The following INSYN2A variants were observed in gnomAD, a reference collection of about 807,000 sequenced individuals.
The protein encoded by INSYN2A is inhibitory synaptic factor 2A, also known as family with sequence similarity 196 member A.
In INSYN2A, 17 loss-of-function variants were observed where a neutral mutation model predicts 39.4. The ratio of observed to expected loss-of-function variants is 0.43; its 90% CI spans 0.30 to 0.65. The LOEUF (loss-of-function observed/expected upper bound fraction) is 0.65, where lower values mean the gene tolerates loss of function less well. INSYN2A is among the 30% of genes least tolerant of loss of function. INSYN2A has a pLI of 0.14. For missense variants in INSYN2A, 595 were observed against 631.2 expected (o/e 0.94, Z 0.61); for synonymous variants, 255 against 265.7 (o/e 0.96, Z 0.39).
intron 5 of INSYN2A, among the ~76,000 whole-genome samples, chr10:127,141,726 T>G (rs958488989): frequency 1.3e-5 from 2 of 151,678 alleles, no homozygotes; most frequent in Non-Finnish European, 2.9e-5. Flanking sequence ...CCAGTTGCCC[T>G]GGACTGCTTT....
Position 127,176,342 on chromosome 10 carries a change from C to G in INSYN2A, c.54G>C (p.Val18=), listed in dbSNP as rs538123042. The part of the protein sequence containing the change: ...KCILTTSESE[V]EPAACLALEM... ...CCAGGGCCAGGCAGGCGGCGGGTTC[C>G]ACTTCACTCTCCGACGTTGTGAGTA... Residue 18 remains valine (V), a synonymous_variant, in exon 4 of 6, where the codon GTG becomes GTC. Coordinates refer to ENST00000522781, the MANE Select transcript of INSYN2A (RefSeq NM_001039762.3). This position sits in a 1 kb window ranked among gnomAD's most constrained non-coding sequence, Gnocchi z 4.4. 2.5e-6 allele frequency: 4 copies of G among 1,613,694 alleles called. No homozygotes were observed. The highest frequency in any genetic ancestry group is 3.4e-6 in the Non-Finnish European group (4 of 1,179,966).
At chr10:127,147,280 C>T (rs1408271088) in intron 5 of INSYN2A, among the ~76,000 whole-genome samples, 1 of 152,134 alleles carries the variant, frequency 6.6e-6, no homozygotes, top group Non-Finnish European at 1.5e-5. Context: ...TCCCATCCAT[C>T]CTTGGGGGTG....
chr10:127,140,638 A>G (rs2489395), intron 5 of INSYN2A, among the ~76,000 whole-genome samples: 54 of 147,014 alleles, frequency 3.7e-4, no homozygotes, highest in South Asian at 9.2e-4. Context: ...TTGACACACC[A>G]AGTCTCTGGG....
intron 2 of INSYN2A, among the ~76,000 whole-genome samples, chr10:127,181,340 T>A (rs2055715424): frequency 6.6e-6 from 1 of 152,212 alleles, no homozygotes; most frequent in Non-Finnish European, 1.5e-5. Context: ...GGCAATTTTG[T>A]GGGGTTCCAT....
chr10:127,165,789 T>A (rs1213667386), intron 4 of INSYN2A, among the ~76,000 whole-genome samples: 1 of 152,128 alleles, frequency 6.6e-6, no homozygotes, highest in Non-Finnish European at 1.5e-5. Flanking sequence ...GACTTAAAGA[T>A]CAATGGCCTT....
intron 4 of INSYN2A, among the ~76,000 whole-genome samples, chr10:127,160,658 T>A (rs2053522004): frequency 6.6e-6 from 1 of 152,236 alleles, no homozygotes; most frequent in Admixed American, 6.5e-5. Flanking sequence ...ATGGCAATTG[T>A]CACACTGAAT....
chr10:127,186,138 G>A (rs946413256), intron 2 of INSYN2A, among the ~76,000 whole-genome samples: 3 of 152,114 alleles, frequency 2.0e-5, no homozygotes, highest in Non-Finnish European at 4.4e-5. Context: ...AACAATAGAG[G>A]GTCTGGGGCA....
chr10:127,162,550 G>T (rs1413593), intron 4 of INSYN2A, among the ~76,000 whole-genome samples: 47,437 of 151,928 alleles, frequency 0.31, 7,859 homozygotes, highest in African/African-American at 0.41. Flanking sequence ...TTTTTTCCAT[G>T]GTAGGGCAAA....
At chr10:127,195,334 C>T (rs1375668136) in intron 1 of INSYN2A, among the ~76,000 whole-genome samples, 1 of 152,194 alleles carries the variant, frequency 6.6e-6, no homozygotes, top group Non-Finnish European at 1.5e-5. Flanking sequence ...TGGTTTCCCA[C>T]GCCTGTCCCG....
chr10:127,195,519 C>T (rs951947537), intron 1 of INSYN2A, among the ~76,000 whole-genome samples: 10 of 149,728 alleles, frequency 6.7e-5, no homozygotes, highest in African/African-American at 2.4e-4. Context: ...TCTGTTCCAA[C>T]TCATCCCCCC....
At chr10:127,141,560 G>T (rs1268309803) in intron 5 of INSYN2A, among the ~76,000 whole-genome samples, 1 of 152,132 alleles carries the variant, frequency 6.6e-6, no homozygotes, top group Non-Finnish European at 1.5e-5. Context: ...AAGTTTAGCT[G>T]GGTGTGATGG....
intron 5 of INSYN2A, among the ~76,000 whole-genome samples, chr10:127,142,950 G>T (rs1168171594): frequency 6.6e-6 from 1 of 152,152 alleles, no homozygotes; most frequent in Non-Finnish European, 1.5e-5. Flanking sequence ...TACATCTCAG[G>T]CTGCTCTCCA....
intron 4 of INSYN2A, among the ~76,000 whole-genome samples, chr10:127,170,004 C>CT (rs930339050): frequency 7.9e-5 from 12 of 152,048 alleles, no homozygotes; most frequent in South Asian, 2.1e-4. Flanking sequence ...CCTTTAGCTT[C>CT]TTTTTTTACC....
chr10:127,175,404 A>T lies in INSYN2A; in HGVS notation c.992T>A (p.Leu331Gln). ...CGCTGTGGGACTAGGCTGGTTCCCC[A>T]GCCCCGGCGGGGTGTGAGTCTGCGA... ...QPSQTHTPPG[L>Q]GNQPSPTAVA... is the part of the protein sequence containing the mutation. The change falls in exon 4 of 6, where the codon CTG (leucine) becomes CAG (glutamine). Residue 331 changes from leucine (L) to glutamine (Q), a missense_variant. Leu to Gln is a moderately radical substitution (Grantham distance 113). Transcript: ENST00000522781. The surrounding 1 kb of genome is among the most constrained non-coding windows in gnomAD (Gnocchi z 6.3). The T allele has an allele frequency of 9.3e-6, 15 of 1,613,616 alleles. No individual in the cohort carries two copies. Among genetic ancestry groups the T allele is most frequent in the Non-Finnish European group, 1.3e-5 (15 of 1,180,040 alleles).
chr10:127,145,835 A>T, intron 5 of INSYN2A: 1 of 352,478 alleles, frequency 2.8e-6, no homozygotes, highest in South Asian at 2.1e-5. Flanking sequence ...GATAGTTCTC[A>T]TCACACACGG....
chr10:127,183,018 A>G (rs993745993), intron 2 of INSYN2A, among the ~76,000 whole-genome samples: 3 of 150,722 alleles, frequency 2.0e-5, no homozygotes, highest in Non-Finnish European at 2.9e-5. Context: ...AAACACAAAG[A>G]TACATACTAG....
chr10:127,159,844 C>T (rs11592745), intron 4 of INSYN2A, among the ~76,000 whole-genome samples: 33,112 of 151,984 alleles, frequency 0.22, 4,225 homozygotes, highest in South Asian at 0.29. Context: ...GAGAGCCGCA[C>T]CATGGCCACG....
chr10:127,168,626 T>C (rs1778892419), intron 4 of INSYN2A, among the ~76,000 whole-genome samples: 1 of 152,216 alleles, frequency 6.6e-6, no homozygotes, highest in South Asian at 2.1e-4. Context: ...TGGAAGACTT[T>C]GATCTCTATT....
chr10:127,194,432 T>C (rs952946690), intron 1 of INSYN2A, among the ~76,000 whole-genome samples: 1 of 152,190 alleles, frequency 6.6e-6, no homozygotes, highest in African/African-American at 2.4e-5. Context: ...AAGATAAATA[T>C]GAACTTTCAA....
Sources: gnomAD v4.1 joint callset for allele counts (sites outside exome capture counted in the v4.1 genomes callset) on GRCh38, gnomAD v4.1.1 for gene constraint, Gnocchi (gnomAD v3.1) non-coding constraint, MANE v1.5 for transcripts, NCBI Gene and HGNC (gene_info 2026-07-23, HGNC 2026-07-21) for gene names.